UBXN11: variants seen among roughly 807,000 people sequenced by gnomAD.
The protein encoded by UBXN11 is UBX domain-containing protein 11.
UBXN11 carries 47 observed loss-of-function variants against 62.8 expected under a neutral mutation model. The ratio of observed to expected loss-of-function variants is 0.75; its 90% CI spans 0.59 to 0.95. The LOEUF (loss-of-function observed/expected upper bound fraction) is 0.95, where lower values mean the gene tolerates loss of function less well. UBXN11 is among the 40% of genes least tolerant of loss of function. The probability of loss-of-function intolerance (pLI) is 0.00; values close to 1 mark genes in which losing one functional copy is unlikely to be tolerated. For synonymous variants in UBXN11, 294 were observed against 267.0 expected (o/e 1.10, Z -0.99); for missense variants, 638 against 661.7 (o/e 0.96, Z 0.39).
At chr1:26,305,281 C>T (rs1394625030) in intron 1 of UBXN11, among the ~76,000 whole-genome samples, 1 of 152,136 alleles carries the variant, frequency 6.6e-6, no homozygotes, top group Non-Finnish European at 1.5e-5. Flanking sequence ...CTATAATTTT[C>T]TTACTTCAAA....
intron 10 of UBXN11, 120 bp downstream of exon 10, chr1:26,285,344 G>C (rs1008991294): frequency 1.3e-6 from 2 of 1,533,106 alleles, no homozygotes; most frequent in Middle Eastern, 2.3e-4. Flanking sequence ...GAGGGCATCA[G>C]ACTGGGGTCC....
At chr1:26,311,285 C>T (rs969276095), upstream of UBXN11, among the ~76,000 whole-genome samples, 2 of 151,040 alleles carry the variant, frequency 1.3e-5, no homozygotes, top group Admixed American at 6.6e-5. Flanking sequence ...ATTACAGGTG[C>T]CCACCACCAT....
At position 26,303,038 on chromosome 1, in the gene UBXN11, A is replaced by C. The variant is rs1028270702; in HGVS notation, c.-35-120T>G. Reference sequence around the variant, plus strand: ...TAATGGGAAGCGCTGTCTAGGCAGCAGTACCTTTTGCCTCTTCCACTGTCT... The same window carrying C: ...TAATGGGAAGCGCTGTCTAGGCAGCCGTACCTTTTGCCTCTTCCACTGTCT... On this transcript the variant is annotated intron_variant, in intron 1 of 14. Coordinates refer to ENST00000374222, the MANE Select transcript of UBXN11 (RefSeq NM_001389556.1). 5.3e-5 allele frequency: 34 copies of C among 640,950 alleles called. 1 individual carries two copies. Among genetic ancestry groups the C allele is most frequent in the Non-Finnish European group, 7.8e-5 (29 of 369,532 alleles). The allele number at this position is 640,950 out of a possible 1,614,324, so 39.7% of individuals were successfully genotyped here.
At chr1:26,316,956 C>T (rs1242579675) in intron 1 of UBXN11, among the ~76,000 whole-genome samples, 1 of 151,800 alleles carries the variant, frequency 6.6e-6, no homozygotes, top group African/African-American at 2.4e-5. Context: ...TGGCTGGGCG[C>T]GGTGGCTCAT....
intron 7 of UBXN11, among the ~76,000 whole-genome samples, chr1:26,295,805 G>T (rs375321027): frequency 1.9e-4 from 29 of 152,324 alleles, no homozygotes; most frequent in African/African-American, 6.7e-4. Flanking sequence ...TCATGCAGGC[G>T]GGGGACTATG....
Position 26,284,453 on chromosome 1 carries a change from C to T in UBXN11, c.882G>A (p.Leu294=), listed in dbSNP as rs2073078076. 1 of 1,608,590 alleles carries T rather than the reference C, an allele frequency of 6.2e-7. No individual in the cohort carries two copies. Among genetic ancestry groups the T allele is most frequent in the Non-Finnish European group, 8.5e-7 (1 of 1,176,410 alleles). Residue 294 remains leucine, a synonymous_variant, in exon 11 of 15, where the codon CTG becomes CTA. Transcript: ENST00000374222. The part of the protein sequence containing the change: ...KVSDLRNQVY[L]EDGLDPFPGE... ...CTGGGAAGGGGTCCAGTCCATCCTC[C>T]AGGTAGACCTGATTGCGCAAGTCAC...
chr1:26,284,772 G>A (rs899949724), intron 10 of UBXN11: 3 of 1,198,064 alleles, frequency 2.5e-6, no homozygotes, highest in African/African-American at 1.6e-5. Flanking sequence ...GTGTGAGGGG[G>A]TCAGGAGAGG....
upstream of UBXN11, among the ~76,000 whole-genome samples, chr1:26,309,736 G>C (rs1408638591): frequency 1.3e-5 from 2 of 152,094 alleles, no homozygotes; most frequent in African/African-American, 2.4e-5. Flanking sequence ...TCCTGCTCAA[G>C]ATACTTCACT....
upstream of UBXN11, among the ~76,000 whole-genome samples, chr1:26,310,930 G>A (rs1557693977): frequency 1.3e-5 from 2 of 151,894 alleles, no homozygotes; most frequent in Non-Finnish European, 2.9e-5. Context: ...CTTCCAAGCT[G>A]GAAGGATTCC....
At chr1:26,293,136 C>T (rs1027080217) in intron 8 of UBXN11, among the ~76,000 whole-genome samples, 4 of 152,186 alleles carry the variant, frequency 2.6e-5, no homozygotes, top group South Asian at 2.1e-4. Context: ...CAGAGCTAGG[C>T]GCTCTGCGTT....
At chr1:26,304,958 C>T (rs935557091) in intron 1 of UBXN11, among the ~76,000 whole-genome samples, 2 of 151,884 alleles carry the variant, frequency 1.3e-5, no homozygotes, top group Admixed American at 1.3e-4. Flanking sequence ...TTCCCTTGGC[C>T]AGCTAACTCT....
chr1:26,294,275 G>A lies in UBXN11; in HGVS notation c.489C>T (p.Asp163=). Residue 163 remains aspartate (D), a synonymous_variant, in exon 8 of 15, where the codon GAC becomes GAT. Transcript: ENST00000374222. ...GCTCTGAGACTGTCTTGCTCTCTGAGTCCTCCTGGTCCATGGGCTCGCCCA... is the reference window on the plus strand; with the variant it reads ...GCTCTGAGACTGTCTTGCTCTCTGAATCCTCCTGGTCCATGGGCTCGCCCA... ...QWVGEPMDQE[D]SESKTVSEHG... The A allele has an allele frequency of 1.2e-6, 2 of 1,614,194 alleles. No homozygotes were observed. Among genetic ancestry groups the A allele is most frequent in the Non-Finnish European group, 1.7e-6 (2 of 1,180,012 alleles).
chr1:26,299,087 TTTTC>T lies in UBXN11; in HGVS notation c.200-1029_200-1026del, dbSNP rs2073465083. On this transcript the variant is annotated intron_variant, in intron 4 of 14. Coordinates refer to ENST00000374222, the MANE Select transcript of UBXN11 (RefSeq NM_001389556.1). The stretch of plus-strand genomic sequence containing the variant: ...AATGTTCTTGTTGGCTGAGGAAGGG[TTTTC>T]TTTGACTTATAGTTAAATGCATCTT... 3.3e-5 allele frequency among the ~76,000 whole-genome samples: 5 copies of T among 151,828 alleles called. No homozygotes were observed. The South Asian group carries it at 1.0e-3, about 32-fold the overall frequency.
chr1:26,304,342 T>C (rs1036103932), intron 1 of UBXN11, among the ~76,000 whole-genome samples: 3 of 152,204 alleles, frequency 2.0e-5, no homozygotes, highest in Admixed American at 6.5e-5. Flanking sequence ...ACGGGTTGTA[T>C]GGCCAAGGCT....
At position 26,283,608 on chromosome 1, in the gene UBXN11, T is replaced by C. The variant is rs545570187; in HGVS notation, c.1077+534A>G. On this transcript the variant is annotated intron_variant, in intron 12 of 14. Transcript: ENST00000374222. ...TGTCTGGGAGAGACACTCTGAACCC[T>C]AGACTAGGGTGGTGGGTGGTGGGAA... is the stretch of plus-strand genomic sequence containing the variant. Among the ~76,000 whole-genome samples, 18 of 152,194 alleles carry C rather than the reference T, an allele frequency of 1.2e-4. No homozygotes were observed. In the South Asian group the frequency reaches 3.7e-3, roughly 32 times the overall value.
intron 4 of UBXN11, among the ~76,000 whole-genome samples, chr1:26,299,515 AAAAAAAAAAAC>A (rs2073476389): frequency 6.6e-6 from 1 of 150,806 alleles, no homozygotes. Flanking sequence ...AGTCTCCAAA[AAAAAAAAAAAC>A]AAAAAAAAAA....
At chr1:26,307,457 G>A (rs925479764), upstream of UBXN11, among the ~76,000 whole-genome samples, 6 of 151,802 alleles carry the variant, frequency 4.0e-5, no homozygotes, top group Admixed American at 3.3e-4. Flanking sequence ...CACCTGTAGA[G>A]AGCACTTTTT....
At chr1:26,317,664 TCA>T (rs929924770) in intron 1 of UBXN11, among the ~76,000 whole-genome samples, 24 of 152,196 alleles carry the variant, frequency 1.6e-4, no homozygotes, top group African/African-American at 4.6e-4. Flanking sequence ...GCCCAGGGTC[TCA>T]GAGCTGGTCA....
Position 26,282,914 on chromosome 1 carries a change from C to A in UBXN11, c.1101G>T (p.Arg367=). 1 of 1,614,208 alleles carries A rather than the reference C, an allele frequency of 6.2e-7. No homozygotes were observed. The highest frequency in any genetic ancestry group is 1.1e-5 in the South Asian group (1 of 91,080). ...TLQNCCPLPA[R]IQEIVVETPT... The stretch of plus-strand genomic sequence containing the variant: ...GCGTCTCCACCACAATCTCCTGGAT[C>A]CGGGCAGGCAATGGGCAGCAGTTCT... Residue 367 remains arginine (R), a synonymous_variant, in exon 13 of 15, where the codon CGG becomes CGT. Transcript: ENST00000374222.
Sources: gnomAD v4.1 joint callset for allele counts (sites outside exome capture counted in the v4.1 genomes callset) on GRCh38, gnomAD v4.1.1 for gene constraint, MANE v1.5 for transcripts, NCBI Gene and HGNC (gene_info 2026-07-23, HGNC 2026-07-21) for gene names.